The following ABCD3 variants were observed in gnomAD, a reference collection of about 807,000 sequenced individuals.
ABCD3 encodes the protein ATP binding cassette subfamily D member 3.
In ABCD3, 41 loss-of-function variants were observed where a neutral mutation model predicts 105.5. The ratio of observed to expected loss-of-function variants is 0.39; its 90% CI spans 0.30 to 0.50. The LOEUF is 0.50. Among genes scored for constraint, ABCD3 ranks in the 20% least tolerant of loss-of-function variants. ABCD3 has a pLI of 0.84. For synonymous variants in ABCD3, 258 were observed against 269.0 expected, an observed-to-expected ratio of 0.96 and a Z score of 0.40; for missense variants, 622 against 806.3, an observed-to-expected ratio of 0.77 and a Z score of 2.77.
intron 1 of ABCD3, among the ~76,000 whole-genome samples, chr1:94,437,970 A>C (rs1659965952): frequency 6.6e-6 from 1 of 152,162 alleles, no homozygotes; most frequent in South Asian, 2.1e-4. Context: ...AAGATACAAC[A>C]GAATTGCTTC....
chr1:94,483,215 A>C lies in ABCD3; in HGVS notation c.873A>C (p.Thr291=). The change falls in exon 10 of 23, where the codon ACA becomes ACC. Residue 291 remains threonine, a synonymous_variant. Coordinates refer to ENST00000370214, the MANE Select transcript of ABCD3 (RefSeq NM_002858.4). Reference sequence around the variant, plus strand: ...ATGGGAATAAAAGAGAAAAGCAGACAGTCCACTCAGTCTTCCGAAAACTGG... The same window carrying C: ...ATGGGAATAAAAGAGAAAAGCAGACCGTCCACTCAGTCTTCCGAAAACTGG... The part of the protein sequence containing the change: ...FYNGNKREKQ[T]VHSVFRKLVE... 7 of 1,613,384 alleles carry C rather than the reference A, an allele frequency of 4.3e-6. No individual in the cohort carries two copies. Among genetic ancestry groups the C allele is most frequent in the Non-Finnish European group, 5.9e-6 (7 of 1,179,352 alleles).
chr1:94,467,468 A>C (rs1051455203), intron 3 of ABCD3, among the ~76,000 whole-genome samples: 1 of 152,206 alleles, frequency 6.6e-6, no homozygotes, highest in African/African-American at 2.4e-5. Flanking sequence ...AATTAAACCA[A>C]ATTTATTCTA....
the ABCD3 span, among the ~76,000 whole-genome samples, chr1:94,396,610 T>TGTGTGTGTGC: frequency 6.9e-6 from 1 of 143,996 alleles, no homozygotes; most frequent in African/African-American, 2.5e-5. Context: ...TGTGTGTGTG[T>TGTGTGTGTGC]GCGCGCGCGC....
chr1:94,457,600 C>T (rs997857758), intron 1 of ABCD3, among the ~76,000 whole-genome samples: 1 of 152,072 alleles, frequency 6.6e-6, no homozygotes, highest in East Asian at 1.9e-4. Context: ...TCTGGCTCAG[C>T]TCTAGAGACA....
intron 20 of ABCD3, among the ~76,000 whole-genome samples, chr1:94,501,358 G>C (rs961084849): frequency 3.3e-5 from 5 of 152,078 alleles, no homozygotes; most frequent in African/African-American, 1.2e-4. Context: ...TATAACTGGA[G>C]CATGGCCAAG....
intron 1 of ABCD3, among the ~76,000 whole-genome samples, chr1:94,450,289 CAA>C (rs1386324683): frequency 2.0e-5 from 3 of 152,190 alleles, no homozygotes; most frequent in Non-Finnish European, 4.4e-5. Context: ...CTTTGCAAAA[CAA>C]ATAAGGGGGA....
chr1:94,421,201 C>T (rs2100864914), intron 1 of ABCD3, among the ~76,000 whole-genome samples: 1 of 152,250 alleles, frequency 6.6e-6, no homozygotes, highest in Admixed American at 6.5e-5. Context: ...TCATCTATTT[C>T]AACCTGCCTG....
chr1:94,506,365 AAACAGTTATGTTT>A (rs1333817143), intron 20 of ABCD3, among the ~76,000 whole-genome samples, 160 bp from the exon 21 acceptor site: 1 of 152,202 alleles, frequency 6.6e-6, no homozygotes, highest in African/African-American at 2.4e-5. Context: ...ATGACAGCAA[AAACAGTTATGTTT>A]ATATTGTTTC....
chr1:94,407,460 C>CTTTCTATT, the ABCD3 span, among the ~76,000 whole-genome samples: 11 of 152,244 alleles, frequency 7.2e-5, no homozygotes, highest in East Asian at 1.5e-3. Context: ...TTGCTCAAGT[C>CTTTCTATT]TTCTTTTCTG....
chr1:94,503,226 G>C (rs1296529355), intron 20 of ABCD3, among the ~76,000 whole-genome samples: 1 of 152,156 alleles, frequency 6.6e-6, no homozygotes, highest in Non-Finnish European at 1.5e-5. Context: ...GTGGGAGCGA[G>C]AGAGACACAT....
At chr1:94,396,626 C>A in the ABCD3 span, among the ~76,000 whole-genome samples, 1 of 151,708 alleles carries the variant, frequency 6.6e-6, no homozygotes, top group Admixed American at 6.6e-5. Flanking sequence ...CGCGCACGTG[C>A]GTGTGTGTTT....
intron 2 of ABCD3, among the ~76,000 whole-genome samples, chr1:94,459,855 C>T (rs1285930963): frequency 1.3e-5 from 2 of 152,190 alleles, no homozygotes; most frequent in Non-Finnish European, 2.9e-5. Flanking sequence ...TAAATGAAAT[C>T]ATATAATATG....
chr1:94,386,849 C>T, the ABCD3 span, among the ~76,000 whole-genome samples: 1 of 151,820 alleles, frequency 6.6e-6, no homozygotes, highest in Non-Finnish European at 1.5e-5. Context: ...AGTAAGACTC[C>T]ATCTCAAAAG....
chr1:94,406,377 T>C, the ABCD3 span: 3 of 286,960 alleles, frequency 1.0e-5, no homozygotes, highest in African/African-American at 2.3e-5. Context: ...TGGGTTGTTG[T>C]TGTTGTTTTA....
At position 94,499,518 on chromosome 1, in the gene ABCD3, T is replaced by C. The variant is rs1431302288; in HGVS notation, c.1644T>C (p.Asn548=). 23 of 1,613,556 alleles carry C rather than the reference T, an allele frequency of 1.4e-5. No individual in the cohort carries two copies. In the Admixed American group the frequency reaches 3.7e-4, roughly 26 times the overall value. The change falls in exon 20 of 23, where the codon AAT becomes AAC. Residue 548 remains asparagine, a synonymous_variant. Coordinates refer to ENST00000370214, the MANE Select transcript of ABCD3 (RefSeq NM_002858.4). ...SDLVLKEYLD[N]VQLGHILERE... is the part of the protein sequence containing the mutation. ...AGGTACTGAAGGAATACTTAGACAA[T>C]GTCCAGTTGGGTCATATCCTTGAAC...
chr1:94,481,797 T>C (rs1649038896), intron 9 of ABCD3: 1 of 152,224 alleles, frequency 6.6e-6, no homozygotes, highest in Non-Finnish European at 1.5e-5. Flanking sequence ...CTTTCCCTCA[T>C]ATCTTATTGG....
At chr1:94,399,079 G>A in the ABCD3 span, among the ~76,000 whole-genome samples, 1 of 152,038 alleles carries the variant, frequency 6.6e-6, no homozygotes, top group Admixed American at 6.6e-5. Flanking sequence ...CAGTTCAGTG[G>A]GTTTTACAAA....
At chr1:94,516,352 G>C (rs1650922333) in intron 22 of ABCD3, among the ~76,000 whole-genome samples, 1 of 151,848 alleles carries the variant, frequency 6.6e-6, no homozygotes, top group South Asian at 2.1e-4. Flanking sequence ...TTATTTTATG[G>C]CATATTATAA....
intron 21 of ABCD3, among the ~76,000 whole-genome samples, chr1:94,510,435 G>T (rs1271736333): frequency 6.6e-6 from 1 of 152,182 alleles, no homozygotes; most frequent in African/African-American, 2.4e-5. Context: ...TGGAATAGGT[G>T]TGGTGTGGTG....
Sources: gnomAD v4.1 joint callset for allele counts (sites outside exome capture counted in the v4.1 genomes callset) on GRCh38, gnomAD v4.1.1 for gene constraint, MANE v1.5 for transcripts, NCBI Gene and HGNC (gene_info 2026-07-23, HGNC 2026-07-21) for gene names.